NRXN1: variants seen among roughly 807,000 people sequenced by gnomAD.
NRXN1 encodes the protein neurexin-1.
Under a neutral mutation model 150.9 loss-of-function variants are expected in NRXN1, and 39 were observed. The observed-to-expected ratio is 0.26, with a 90% CI of 0.20 to 0.34. NRXN1 has a LOEUF of 0.34. NRXN1 is among the 10% of genes least tolerant of loss of function. The pLI is 1.00. For missense variants in NRXN1, 1,815 were observed against 1,949.9 expected (o/e 0.93, Z 1.30); for synonymous variants, 924 against 757.0 (o/e 1.22, Z -3.62).
intron 18 of NRXN1, among the ~76,000 whole-genome samples, chr2:50,178,331 C>G (rs2060477205): frequency 6.6e-6 from 1 of 151,868 alleles, no homozygotes. Context: ...CTTGGGATAA[C>G]TTTAAATTTG....
At chr2:50,652,626 T>A (rs953476463) in intron 5 of NRXN1, among the ~76,000 whole-genome samples, 2 of 152,084 alleles carry the variant, frequency 1.3e-5, no homozygotes, top group African/African-American at 4.8e-5. Context: ...CTACTTCTTG[T>A]TATTAAGAAT....
chr2:49,990,806 T>C (rs918339348), intron 21 of NRXN1, among the ~76,000 whole-genome samples: 1 of 152,186 alleles, frequency 6.6e-6, no homozygotes, highest in Non-Finnish European at 1.5e-5. Context: ...ATACCTTTTG[T>C]AGCTAATGTT....
At chr2:50,665,174 T>C (rs1687844664) in intron 5 of NRXN1, among the ~76,000 whole-genome samples, 1 of 151,980 alleles carries the variant, frequency 6.6e-6, no homozygotes, top group Non-Finnish European at 1.5e-5. Context: ...CTTCTAATTA[T>C]TATGCTAATT....
At chr2:50,492,541 C>A (rs1038075346) in intron 15 of NRXN1, among the ~76,000 whole-genome samples, 225 of 152,192 alleles carry the variant, frequency 1.5e-3, no homozygotes, top group African/African-American at 5.1e-3. Flanking sequence ...ACTATAAAAG[C>A]CAACTGTGGA....
At chr2:49,962,331 C>G (rs1333738447) in intron 21 of NRXN1, among the ~76,000 whole-genome samples, 4 of 152,010 alleles carry the variant, frequency 2.6e-5, no homozygotes, top group Non-Finnish European at 4.4e-5. Flanking sequence ...TCTCTTAACC[C>G]ATTTGCATCC....
At chr2:50,547,062 A>G (rs2093510423) in intron 9 of NRXN1, among the ~76,000 whole-genome samples, 1 of 152,218 alleles carries the variant, frequency 6.6e-6, no homozygotes, top group Non-Finnish European at 1.5e-5. Flanking sequence ...AGTGATTACT[A>G]TAAACCTCTA....
At chr2:50,521,124 G>T (rs2092777075) in intron 12 of NRXN1, among the ~76,000 whole-genome samples, 2 of 152,090 alleles carry the variant, frequency 1.3e-5, no homozygotes, top group Non-Finnish European at 2.9e-5. Context: ...CCATGTATTT[G>T]AAAATTTAAT....
At chr2:50,272,831 A>G (rs2069877914) in intron 17 of NRXN1, among the ~76,000 whole-genome samples, 1 of 152,078 alleles carries the variant, frequency 6.6e-6, no homozygotes, top group Admixed American at 6.6e-5. Flanking sequence ...CCACATAAAC[A>G]CATTCTAAAA....
Position 51,027,974 on chromosome 2 carries a change from A to C in NRXN1, c.300T>G (p.Pro100=), listed in dbSNP as rs753793668. Residue 100 remains proline (P), a synonymous_variant, in exon 2 of 23, where the codon CCT becomes CCG. Transcript: ENST00000401669. ...QLSFSIFCAE[P]ATLLADTPVN... ...CCGGCGTGTCGGCCAGGAGCGTCGC[A>C]GGCTCAGCGCAGAAGATGGAGAAGC... 9 of 1,601,906 alleles carry C rather than the reference A, an allele frequency of 5.6e-6. No individual in the cohort carries two copies. Among genetic ancestry groups the C allele is most frequent in the Admixed American group, 5.0e-5 (3 of 59,936 alleles).
At chr2:50,531,512 T>C in intron 10 of NRXN1, 82 bp from the exon 11 acceptor site, 3 of 1,089,708 alleles carry the variant, frequency 2.8e-6, no homozygotes, top group Non-Finnish European at 4.0e-6. Flanking sequence ...TCATTTATTA[T>C]CATTTATTTA....
chr2:50,490,721 TCA>T (rs2091203044), intron 15 of NRXN1, among the ~76,000 whole-genome samples: 1 of 152,056 alleles, frequency 6.6e-6, no homozygotes, highest in Non-Finnish European at 1.5e-5. Context: ...TGCACTGCTG[TCA>T]CGGTGGGGCA....
chr2:50,656,684 C>T (rs1573991283), intron 5 of NRXN1, among the ~76,000 whole-genome samples: 1 of 151,770 alleles, frequency 6.6e-6, no homozygotes, highest in African/African-American at 2.4e-5. Flanking sequence ...TACTTCACAG[C>T]CCTCATGTCC....
chr2:50,981,260 C>T (rs534577847), intron 2 of NRXN1, among the ~76,000 whole-genome samples: 16 of 151,518 alleles, frequency 1.1e-4, no homozygotes, highest in African/African-American at 3.9e-4. Context: ...AGTTTGAGAC[C>T]AGCCTGGCCA....
chr2:50,810,483 C>T (rs1668066768), intron 5 of NRXN1, among the ~76,000 whole-genome samples: 1 of 152,040 alleles, frequency 6.6e-6, no homozygotes, highest in Admixed American at 6.6e-5. Context: ...TTAATCACTC[C>T]AATAAACATT....
At chr2:50,704,856 C>G (rs1446951871) in intron 5 of NRXN1, among the ~76,000 whole-genome samples, 8 of 151,712 alleles carry the variant, frequency 5.3e-5, no homozygotes, top group Non-Finnish European at 1.2e-4. Flanking sequence ...TTACAATTTA[C>G]AATAGTTTCT....
chr2:50,462,832 G>A (rs2088374337), intron 17 of NRXN1, among the ~76,000 whole-genome samples: 1 of 151,524 alleles, frequency 6.6e-6, no homozygotes. Context: ...ATATCTCCAG[G>A]CTAATATAAA....
Position 50,346,156 on chromosome 2 carries a change from A to G in NRXN1, c.3365-109186T>C, listed in dbSNP as rs1433399976. 6.6e-6 allele frequency among the ~76,000 whole-genome samples: 1 copy of G among 152,214 alleles called. No homozygotes were observed. Among genetic ancestry groups the G allele is most frequent in the Non-Finnish European group, 1.5e-5 (1 of 68,036 alleles). ...AAAGTAATTGGCCTCCTGTTGAGTGAGTCCCAGGACTGCTTCGCTGTCACT... is the reference window on the plus strand; with the variant it reads ...AAAGTAATTGGCCTCCTGTTGAGTGGGTCCCAGGACTGCTTCGCTGTCACT... On this transcript the variant is annotated intron_variant, in intron 17 of 22. Transcript: ENST00000401669. The surrounding 1 kb of genome is among the most constrained non-coding windows in gnomAD (Gnocchi z 5.0).
intron 17 of NRXN1, among the ~76,000 whole-genome samples, chr2:50,270,278 G>A (rs192741161): frequency 4.6e-5 from 7 of 152,244 alleles, no homozygotes; most frequent in African/African-American, 9.6e-5. Context: ...TAACATGAGC[G>A]TGGGGAAAGT....
At chr2:50,901,126 G>A (rs978310877) in intron 5 of NRXN1, among the ~76,000 whole-genome samples, 2 of 152,082 alleles carry the variant, frequency 1.3e-5, no homozygotes, top group Admixed American at 1.3e-4. Flanking sequence ...CCATTAAAAT[G>A]TGAGTACCAT....
Sources: gnomAD v4.1 joint callset for allele counts (sites outside exome capture counted in the v4.1 genomes callset) on GRCh38, gnomAD v4.1.1 for gene constraint, Gnocchi (gnomAD v3.1) non-coding constraint, MANE v1.5 for transcripts, NCBI Gene and HGNC (gene_info 2026-07-23, HGNC 2026-07-21) for gene names.